The following ELF2 variants were observed in gnomAD, a reference collection of about 807,000 sequenced individuals.
ELF2 encodes ETS-related transcription factor Elf-2.
A neutral mutation model predicts 54.8 loss-of-function variants in ELF2; 11 were observed. The observed-to-expected ratio is 0.20, with a 90% CI of 0.13 to 0.33. ELF2 has a LOEUF of 0.33. ELF2 is among the 10% of genes least tolerant of loss of function. The probability of loss-of-function intolerance (pLI) is 1.00; values close to 1 mark genes in which losing one functional copy is unlikely to be tolerated. For missense variants in ELF2, 513 were observed against 703.0 expected (o/e 0.73, Z 3.06); for synonymous variants, 203 against 245.1 (o/e 0.83, Z 1.61).
chr4:139,133,645 T>A (rs1737791479), intron 3 of ELF2, among the ~76,000 whole-genome samples: 1 of 152,038 alleles, frequency 6.6e-6, no homozygotes, highest in Non-Finnish European at 1.5e-5. Flanking sequence ...CCTTTTTTTT[T>A]TTTTTTAAGA....
At chr4:139,144,476 C>T (rs762051094) in intron 1 of ELF2, among the ~76,000 whole-genome samples, 7 of 152,186 alleles carry the variant, frequency 4.6e-5, no homozygotes, top group Non-Finnish European at 1.0e-4. Context: ...AAAATATAAT[C>T]TCAAGTGGGG....
At position 139,071,961 on chromosome 4, in the gene ELF2, G is replaced by A. The variant is rs1049493303; in HGVS notation, c.431C>T (p.Thr144Ile). ...CTCTTCAGTTGACACCTCCACTACA[G>A]TTTCTGTAATGACATCTGGCCTCAT... ...AAMRPDVITE[T>I]VVEVSTEESE... The change falls in exon 6 of 10, where the codon ACT (threonine) becomes ATT (isoleucine). Residue 144 changes from threonine to isoleucine, a missense_variant. Thr to Ile is a moderately conservative substitution (Grantham distance 89). This residue lies in a region of ELF2 where 203 missense variants were observed against 245.9 expected (regional missense o/e 0.83). Transcript: ENST00000686138. 6.2e-7 allele frequency: 1 copy of A among 1,613,838 alleles called. No individual in the cohort carries two copies. The highest frequency in any genetic ancestry group is 8.5e-7 in the Non-Finnish European group (1 of 1,179,990).
chr4:139,159,051 T>C (rs1740832028), intron 1 of ELF2, among the ~76,000 whole-genome samples: 1 of 152,108 alleles, frequency 6.6e-6, no homozygotes. Flanking sequence ...ACCGAGGAAT[T>C]ATGTCTGACA....
At chr4:139,090,650 A>G (rs1466856870) in intron 4 of ELF2, among the ~76,000 whole-genome samples, 1 of 152,180 alleles carries the variant, frequency 6.6e-6, no homozygotes, top group Non-Finnish European at 1.5e-5. Context: ...GCGGGAGTAT[A>G]GTGGTATCAT....
intron 4 of ELF2, among the ~76,000 whole-genome samples, chr4:139,103,384 G>A (rs554921193): frequency 6.6e-6 from 1 of 152,292 alleles, no homozygotes; most frequent in Non-Finnish European, 1.5e-5. Context: ...GGGACTTTCA[G>A]CCCCACTCCC....
At chr4:139,173,534 G>C (rs575514536) in intron 1 of ELF2, among the ~76,000 whole-genome samples, 3 of 151,746 alleles carry the variant, frequency 2.0e-5, no homozygotes, top group African/African-American at 7.3e-5. Flanking sequence ...CGAGGCAGGC[G>C]GATCATGAGG....
chr4:139,152,019 T>G (rs1188138954), intron 1 of ELF2, among the ~76,000 whole-genome samples: 1 of 152,190 alleles, frequency 6.6e-6, no homozygotes, highest in Non-Finnish European at 1.5e-5. Context: ...TCTATTTATA[T>G]GACATTCAAG....
At chr4:139,106,060 T>G (rs1276655566) in intron 4 of ELF2, among the ~76,000 whole-genome samples, 1 of 152,202 alleles carries the variant, frequency 6.6e-6, no homozygotes, top group East Asian at 1.9e-4. Context: ...TGCTTAAGTT[T>G]AAGAACCATT....
At chr4:139,157,096 G>C (rs1740626625) in intron 1 of ELF2, among the ~76,000 whole-genome samples, 1 of 152,128 alleles carries the variant, frequency 6.6e-6, no homozygotes, top group African/African-American at 2.4e-5. Flanking sequence ...CACAGACATA[G>C]ATGGTGTAGC....
intron 3 of ELF2, among the ~76,000 whole-genome samples, chr4:139,127,642 T>A (rs1383274679): frequency 1.3e-5 from 2 of 152,158 alleles, no homozygotes; most frequent in Non-Finnish European, 2.9e-5. Context: ...ATTTCAGTGA[T>A]TCCTTCTCTT....
chr4:139,078,798 C>T (rs1730677503), intron 4 of ELF2, among the ~76,000 whole-genome samples: 1 of 152,062 alleles, frequency 6.6e-6, no homozygotes, highest in African/African-American at 2.4e-5. Context: ...GACACTTTTA[C>T]ACTCAAAATA....
At chr4:139,151,043 A>AG (rs776022989) in intron 1 of ELF2, among the ~76,000 whole-genome samples, 98 of 73,706 alleles carry the variant, frequency 1.3e-3, no homozygotes, top group African/African-American at 2.4e-3. Flanking sequence ...AAAGAAAGAA[A>AG]GAAAGAAAGA....
intron 4 of ELF2, among the ~76,000 whole-genome samples, chr4:139,119,221 A>G (rs1184701461): frequency 6.6e-6 from 1 of 152,238 alleles, no homozygotes; most frequent in Non-Finnish European, 1.5e-5. Flanking sequence ...AATCTATGAA[A>G]TACGTTTCCC....
chr4:139,146,064 T>C (rs746539020), intron 1 of ELF2, among the ~76,000 whole-genome samples: 2 of 152,166 alleles, frequency 1.3e-5, no homozygotes, highest in African/African-American at 2.4e-5. Flanking sequence ...GGCATCCAAA[T>C]TGGAAAACAG....
chr4:139,061,695 C>T (rs755105837), intron 8 of ELF2, among the ~76,000 whole-genome samples, 170 bp downstream of exon 8: 22 of 152,084 alleles, frequency 1.4e-4, no homozygotes, highest in Admixed American at 4.6e-4. Context: ...ATTATAAGCA[C>T]GTAGACCAAA....
chr4:139,083,445 C>A (rs892384389), intron 4 of ELF2, among the ~76,000 whole-genome samples: 1 of 152,180 alleles, frequency 6.6e-6, no homozygotes, highest in African/African-American at 2.4e-5. Flanking sequence ...GGAGGCGGGC[C>A]CCTGAAACAT....
intron 4 of ELF2, among the ~76,000 whole-genome samples, chr4:139,101,024 G>A (rs1482619888): frequency 8.5e-5 from 13 of 152,146 alleles, no homozygotes; most frequent in Admixed American, 8.5e-4. Context: ...ATTTGGTAAT[G>A]GACTGGGAGA....
intron 1 of ELF2, among the ~76,000 whole-genome samples, chr4:139,150,270 G>A (rs1578931254): frequency 6.6e-6 from 1 of 152,012 alleles, no homozygotes; most frequent in African/African-American, 2.4e-5. Flanking sequence ...AGGAGGCTGA[G>A]GCAAGAGAAT....
At chr4:139,074,578 G>A (rs1730006288) in intron 4 of ELF2, among the ~76,000 whole-genome samples, 1 of 151,850 alleles carries the variant, frequency 6.6e-6, no homozygotes, top group Non-Finnish European at 1.5e-5. Context: ...TGACAAACAT[G>A]GTGAAACTCC....
Sources: gnomAD v4.1 joint callset for allele counts (sites outside exome capture counted in the v4.1 genomes callset) on GRCh38, gnomAD v4.1.1 for gene constraint, gnomAD v4.1.1 regional missense constraint, MANE v1.5 for transcripts, NCBI Gene and HGNC (gene_info 2026-07-23, HGNC 2026-07-21) for gene names.